The following BUB1 variants were observed in gnomAD, a reference collection of about 807,000 sequenced individuals.
BUB1 encodes the protein BUB1 mitotic checkpoint serine/threonine kinase, also known as mitotic checkpoint serine/threonine-protein kinase BUB1.
Under a neutral mutation model 135.2 loss-of-function variants are expected in BUB1, and 84 were observed. The observed-to-expected ratio is 0.62, with a 90% CI of 0.52 to 0.74. The LOEUF (loss-of-function observed/expected upper bound fraction) is 0.74, where lower values mean the gene tolerates loss of function less well. Among genes scored for constraint, BUB1 ranks in the 30% least tolerant of loss-of-function variants. The pLI, the probability that BUB1 is intolerant of heterozygous loss-of-function variation, is 0.00. For synonymous variants in BUB1, 403 were observed against 434.4 expected, an observed-to-expected ratio of 0.93 and a Z score of 0.90; for missense variants, 1,162 against 1,288.3, an observed-to-expected ratio of 0.90 and a Z score of 1.50.
At chr2:110,674,665 A>G (rs1185996338) in intron 1 of BUB1, among the ~76,000 whole-genome samples, 3 of 152,188 alleles carry the variant, frequency 2.0e-5, no homozygotes, top group Admixed American at 1.3e-4. Context: ...CGGAACCCCA[A>G]TGTCACTACC....
chr2:110,663,258 C>T (rs1017860570), intron 9 of BUB1, among the ~76,000 whole-genome samples: 11 of 151,734 alleles, frequency 7.2e-5, no homozygotes, highest in Admixed American at 2.0e-4. Flanking sequence ...CCAGCCTGGG[C>T]GATAGTGGGA....
intron 1 of BUB1, chr2:110,676,500 C>T (rs1690588451): frequency 6.6e-6 from 1 of 152,186 alleles, no homozygotes; most frequent in Admixed American, 6.5e-5. Context: ...CTAGAAGACA[C>T]ATACACATGT....
In BUB1 at chr2:110,641,411, A is replaced by C; in HGVS notation, c.2679T>G (p.Leu893=). 2 of 1,614,122 alleles carry C rather than the reference A, an allele frequency of 1.2e-6. No individual in the cohort carries two copies. The highest frequency in any genetic ancestry group is 1.7e-5 in the Admixed American group (1 of 60,006). ...NTPEKVMPQG[L]VISFAMRMLY... ...GCATTCTCATAGCAAAAGAGATGAC[A>C]AGACCTTGAGGCATCACTTTTTCAG... The change falls in exon 22 of 25, where the codon CTT becomes CTG. Residue 893 remains leucine (L), a synonymous_variant. Transcript: ENST00000302759.
Position 110,642,154 on chromosome 2 carries a change from T to A in BUB1, c.2428A>T (p.Asn810Tyr), listed in dbSNP as rs1350157003. ...QVYEATQGDLNDAKNKQKFVL... is the reference protein window; with the variant it reads ...QVYEATQGDLYDAKNKQKFVL... ...AATTTCTGTTTATTTTTAGCATCAT[T>A]CAGATCTCCCTGGGTAGCTTCGTAC... Residue 810 changes from asparagine to tyrosine, a missense_variant, in exon 20 of 25, where the codon AAT (asparagine) becomes TAT (tyrosine). Coordinates refer to ENST00000302759, the MANE Select transcript of BUB1 (RefSeq NM_004336.5). 2 of 1,613,202 alleles carry A rather than the reference T, an allele frequency of 1.2e-6. No homozygotes were observed. The highest frequency in any genetic ancestry group is 2.7e-5 in the African/African-American group (2 of 74,876).
At chr2:110,652,995 T>C (rs922035057) in intron 17 of BUB1, among the ~76,000 whole-genome samples, 23 of 152,224 alleles carry the variant, frequency 1.5e-4, no homozygotes, top group Non-Finnish European at 3.1e-4. Flanking sequence ...GTAGACATCA[T>C]TCAATTTCAC....
chr2:110,662,101 G>T, intron 9 of BUB1: 1 of 437,652 alleles, frequency 2.3e-6, no homozygotes, highest in Non-Finnish European at 4.1e-6. Context: ...GAAATAACAA[G>T]TCTCTATAGT....
intron 17 of BUB1, 32 bp from the exon 18 acceptor site, chr2:110,650,816 ACAC>A: frequency 6.4e-7 from 1 of 1,555,704 alleles, no homozygotes; most frequent in Non-Finnish European, 8.9e-7. Context: ...AGAAACCAAA[ACAC>A]CACATGATTA....
chr2:110,663,843 C>G (rs781205140), intron 9 of BUB1, among the ~76,000 whole-genome samples: 1 of 151,960 alleles, frequency 6.6e-6, no homozygotes, highest in Non-Finnish European at 1.5e-5. Flanking sequence ...CCTGGTAACA[C>G]GGTGAAACCC....
intron 19 of BUB1, 130 bp downstream of exon 19, chr2:110,649,104 C>T: frequency 1.2e-6 from 1 of 817,780 alleles, no homozygotes; most frequent in Middle Eastern, 3.8e-4. Flanking sequence ...TTTAGTATTA[C>T]AGATACAACT....
chr2:110,665,583 G>T (rs1383673266), intron 9 of BUB1, among the ~76,000 whole-genome samples: 2 of 151,660 alleles, frequency 1.3e-5, no homozygotes, highest in African/African-American at 4.8e-5. Context: ...GTGTGTGTGT[G>T]TGTGTGTGTG....
At chr2:110,646,404 A>C (rs955257647) in intron 19 of BUB1, among the ~76,000 whole-genome samples, 12 of 152,082 alleles carry the variant, frequency 7.9e-5, no homozygotes, top group African/African-American at 2.7e-4. Context: ...GGGGCAGATA[A>C]AGCAGGCAGG....
At chr2:110,676,063 T>C (rs930377003) in intron 1 of BUB1, among the ~76,000 whole-genome samples, 2 of 152,054 alleles carry the variant, frequency 1.3e-5, no homozygotes, top group African/African-American at 4.8e-5. Flanking sequence ...GACAACTATA[T>C]ATAAATAAAA....
At chr2:110,670,837 C>T (rs1690399945) in intron 4 of BUB1, among the ~76,000 whole-genome samples, 2 of 152,172 alleles carry the variant, frequency 1.3e-5, no homozygotes, top group Non-Finnish European at 1.5e-5. Context: ...AAAAATGCAC[C>T]CTCTTCTCCA....
chr2:110,638,014 G>C lies in BUB1; in HGVS notation c.3208C>G (p.Arg1070Gly). Residue 1070 changes from arginine (R) to glycine (G), a missense_variant, in exon 25 of 25, where the codon CGT becomes GGT. Coordinates refer to ENST00000302759, the MANE Select transcript of BUB1 (RefSeq NM_004336.5). ...QHYTNKIRAL[R>G]NRLIVLLLEC... ...AAGAGCAGTACAATTAGCCTATTACGTAGGGCCCTAATCTTGTTAGTATAG... is the reference window on the plus strand; with the variant it reads ...AAGAGCAGTACAATTAGCCTATTACCTAGGGCCCTAATCTTGTTAGTATAG... 3 of 1,593,844 alleles carry C rather than the reference G, an allele frequency of 1.9e-6. No individual in the cohort carries two copies. Among genetic ancestry groups the C allele is most frequent in the Non-Finnish European group, 2.6e-6 (3 of 1,171,122 alleles).
Position 110,657,643 on chromosome 2 carries a change from T to C in BUB1, c.1519A>G (p.Asn507Asp). The change falls in exon 14 of 25, where the codon AAT (asparagine) becomes GAT (aspartate). Residue 507 changes from asparagine (N) to aspartate (D), a missense_variant and splice_region_variant. Coordinates refer to ENST00000302759, the MANE Select transcript of BUB1 (RefSeq NM_004336.5). ...EDAFEAQFQK[N>D]VRSSGAWGVN... is the part of the protein sequence containing the mutation. Reference sequence around the variant, plus strand: ...CCCCAAGCCCCAGATGACCTTACATTTTCTGCAACAGAATAAAAAATAGCA... The same window carrying C: ...CCCCAAGCCCCAGATGACCTTACATCTTCTGCAACAGAATAAAAAATAGCA... The C allele has an allele frequency of 6.4e-7, 1 of 1,562,064 alleles. No homozygotes were observed. The highest frequency in any genetic ancestry group is 8.7e-7 in the Non-Finnish European group (1 of 1,153,988).
chr2:110,649,160 C>T, intron 19 of BUB1, 74 bp downstream of exon 19: 1 of 1,463,832 alleles, frequency 6.8e-7, no homozygotes. Flanking sequence ...CACACACACA[C>T]ACACACACAC....
intron 20 of BUB1, 118 bp from the exon 21 acceptor site, chr2:110,641,921 T>C (rs1689516796): frequency 8.3e-7 from 1 of 1,202,036 alleles, no homozygotes; most frequent in Admixed American, 2.4e-5. Flanking sequence ...AGCTATGAAC[T>C]GTTGCTGCAA....
chr2:110,672,910 G>A, intron 3 of BUB1, 53 bp from the exon 4 acceptor site: 1 of 1,479,410 alleles, frequency 6.8e-7, no homozygotes. Context: ...GCTAGTCTAT[G>A]TCTGGTGAGG....
Position 110,661,666 on chromosome 2 carries a change from G to A in BUB1, c.1133C>T (p.Thr378Ile), listed in dbSNP as rs1690101523. ...AISAALVSPA[T>I]SQSIAPPVPL... ...AACAGGAGGAGCAATGCTCTGGCTG[G>A]TGGCTGGGGACACCAAAGCTGCAGA... is the stretch of plus-strand genomic sequence containing the variant. The change falls in exon 10 of 25, where the codon ACC (threonine) becomes ATC (isoleucine). Residue 378 changes from threonine to isoleucine, a missense_variant. Thr to Ile is a moderately conservative substitution (Grantham distance 89). Transcript: ENST00000302759. 1 of 1,614,070 alleles carries A rather than the reference G, an allele frequency of 6.2e-7. No homozygotes were observed. Among genetic ancestry groups the A allele is most frequent in the Non-Finnish European group, 8.5e-7 (1 of 1,180,040 alleles).
Sources: allele counts gnomAD v4.1 joint callset (sites outside exome capture counted in the v4.1 genomes callset), GRCh38; gene constraint gnomAD v4.1.1; transcripts MANE v1.5; gene names NCBI Gene and HGNC (gene_info 2026-07-23, HGNC 2026-07-21).